TTC7A: variants seen among roughly 807,000 people sequenced by gnomAD.
TTC7A encodes the protein tetratricopeptide repeat domain 7A, also known as tetratricopeptide repeat protein 7A.
Under a neutral mutation model 103.7 loss-of-function variants are expected in TTC7A, and 110 were observed. That is an observed-to-expected ratio of 1.06 (90% confidence interval 0.91 to 1.24). The LOEUF (loss-of-function observed/expected upper bound fraction) is 1.24. Among genes scored for constraint, TTC7A ranks in the 50% most tolerant of loss-of-function variants. The pLI is 0.00. For synonymous variants in TTC7A, 521 were observed against 467.9 expected (o/e 1.11, Z -1.47); for missense variants, 1,340 against 1,116.3 (o/e 1.20, Z -2.86).
chr2:46,936,732 A>G (rs1669998008), upstream of TTC7A, among the ~76,000 whole-genome samples: 3 of 152,212 alleles, frequency 2.0e-5, no homozygotes, highest in South Asian at 6.2e-4. Flanking sequence ...GGTAGCCACT[A>G]TGAGGAATTT....
chr2:47,030,336 GGA>G (rs1365791212), intron 15 of TTC7A, among the ~76,000 whole-genome samples: 17 of 152,264 alleles, frequency 1.1e-4, no homozygotes, highest in South Asian at 4.1e-4. Context: ...GCCAGCCTAG[GGA>G]GGTTCCCATC....
At chr2:47,033,971 C>T (rs1463737528) in intron 15 of TTC7A, among the ~76,000 whole-genome samples, 6 of 152,202 alleles carry the variant, frequency 3.9e-5, no homozygotes, top group Admixed American at 2.6e-4. Context: ...TCTAGGCTCC[C>T]GGAGAAAACC....
intron 10 of TTC7A, among the ~76,000 whole-genome samples, chr2:47,011,014 C>G (rs1393185189): frequency 2.0e-5 from 3 of 152,084 alleles, no homozygotes; most frequent in African/African-American, 7.2e-5. Flanking sequence ...TTTAGAGAGC[C>G]CCTTTCTACC....
intron 3 of TTC7A, chr2:46,958,386 A>T: frequency 1.2e-6 from 1 of 812,552 alleles, no homozygotes; most frequent in Non-Finnish European, 1.9e-6. Flanking sequence ...CCCTTCAGCC[A>T]TGGACGCCCT....
At chr2:47,042,629 C>G (rs1488298205) in intron 15 of TTC7A, among the ~76,000 whole-genome samples, 2 of 152,022 alleles carry the variant, frequency 1.3e-5, no homozygotes, top group Non-Finnish European at 2.9e-5. Flanking sequence ...GTGGCATATT[C>G]TGGTCTCAAA....
chr2:47,008,733 A>C (rs917729484), intron 10 of TTC7A, among the ~76,000 whole-genome samples: 6 of 152,192 alleles, frequency 3.9e-5, no homozygotes, highest in Non-Finnish European at 8.8e-5. Context: ...CCTAAGGTGG[A>C]ATCAAGGGCC....
chr2:47,051,935 C>T (rs979885473), intron 18 of TTC7A, 55 bp downstream of exon 18: 65 of 1,551,628 alleles, frequency 4.2e-5, no homozygotes, highest in Non-Finnish European at 5.4e-5. Flanking sequence ...CACCCATGCT[C>T]TCAGAGCCCT....
chr2:47,055,807 C>T (rs1484736732), intron 18 of TTC7A, among the ~76,000 whole-genome samples: 1 of 152,150 alleles, frequency 6.6e-6, no homozygotes, highest in Admixed American at 6.5e-5. Context: ...GTCTCCTGGG[C>T]AGACTTGGGG....
At chr2:46,984,591 A>G (rs1572814720) in intron 5 of TTC7A, among the ~76,000 whole-genome samples, 3 of 152,156 alleles carry the variant, frequency 2.0e-5, no homozygotes, top group Admixed American at 6.5e-5. Flanking sequence ...CTTCCCCACA[A>G]CTGAATTTTC....
rs1012728053 is a variant in TTC7A at position 46,941,701 on chromosome 2, G to C, written c.160G>C (p.Ala54Pro). The change falls in exon 1 of 20, where the codon GCA (alanine) becomes CCA (proline). Residue 54 changes from alanine (A) to proline (P), a missense_variant. Ala to Pro is a conservative substitution (Grantham distance 27). Coordinates refer to ENST00000319190, the MANE Select transcript of TTC7A (RefSeq NM_020458.4). This position sits in a 1 kb window ranked among gnomAD's most constrained non-coding sequence, Gnocchi z 4.2. ...AGGTAACAGGCGAGGCAGCCCGAGC[G>C]CAGCGTTCACCTTTCCGGACACCGG... Reference protein sequence around the residue: ...GGGNRRGSPSAAFTFPDTDDF... With the variant: ...GGGNRRGSPSPAFTFPDTDDF... The C allele has an allele frequency of 1.3e-6, 2 of 1,550,630 alleles. No homozygotes were observed. Among genetic ancestry groups the C allele is most frequent in the African/African-American group, 2.7e-5 (2 of 73,132 alleles).
chr2:47,016,074 T>C (rs1678627484), intron 11 of TTC7A, among the ~76,000 whole-genome samples: 1 of 152,032 alleles, frequency 6.6e-6, no homozygotes, highest in African/African-American at 2.4e-5. Flanking sequence ...CACTGCAAGG[T>C]GAGGTAACCC....
intron 18 of TTC7A, among the ~76,000 whole-genome samples, chr2:47,056,037 G>A (rs1327638574): frequency 6.6e-6 from 1 of 151,902 alleles, no homozygotes; most frequent in Non-Finnish European, 1.5e-5. Flanking sequence ...GAGTCAGCGA[G>A]GCCACTCTCA....
intron 3 of TTC7A, among the ~76,000 whole-genome samples, chr2:46,959,405 T>C (rs1337432421): frequency 6.6e-6 from 1 of 152,056 alleles, no homozygotes; most frequent in Non-Finnish European, 1.5e-5. Context: ...TGTGGTTCTG[T>C]TTGGTACTCT....
intron 16 of TTC7A, chr2:47,047,318 A>C: frequency 6.5e-7 from 1 of 1,548,856 alleles, no homozygotes; most frequent in Non-Finnish European, 8.7e-7. Flanking sequence ...CATCTGTAAC[A>C]GTGAAATTTA....
intron 9 of TTC7A, among the ~76,000 whole-genome samples, chr2:47,006,397 G>A (rs1355872717): frequency 6.6e-6 from 1 of 152,228 alleles, no homozygotes; most frequent in African/African-American, 2.4e-5. Context: ...CCATCACCCT[G>A]TGAGATCATT....
Position 47,051,858 on chromosome 2 carries a change from G to A in TTC7A, c.2130G>A (p.Leu710=). 1 of 1,611,296 alleles carries A rather than the reference G, an allele frequency of 6.2e-7. No individual in the cohort carries two copies. Among genetic ancestry groups the A allele is most frequent in the Non-Finnish European group, 8.5e-7 (1 of 1,179,202 alleles). The part of the protein sequence containing the change: ...KQGPMQLWTT[L]EQIWLQAAEL... ...GCCCCATGCAGCTGTGGACCACGCT[G>A]GAACAGATCTGGCTGCAGGCTGGTG... The change falls in exon 18 of 20, where the codon CTG becomes CTA. Residue 710 remains leucine (L), a synonymous_variant. Transcript: ENST00000319190.
chr2:47,045,714 C>T (rs1682240859), intron 15 of TTC7A: 1 of 152,392 alleles, frequency 6.6e-6, no homozygotes, highest in African/African-American at 2.4e-5. Flanking sequence ...TGTGTATCTC[C>T]AGGGTCAGGA....
At chr2:46,938,331 T>C (rs1405930746), upstream of TTC7A, among the ~76,000 whole-genome samples, 1 of 152,164 alleles carries the variant, frequency 6.6e-6, no homozygotes, top group African/African-American at 2.4e-5. Flanking sequence ...TTGATCACTA[T>C]TATACCTTTT....
chr2:47,005,879 A>G (rs770218619), intron 8 of TTC7A, 43 bp from the exon 9 acceptor site: 10 of 1,610,706 alleles, frequency 6.2e-6, no homozygotes, highest in African/African-American at 1.3e-5. Context: ...ACACCTGCTT[A>G]TCTACTCTCC....
Sources: gnomAD v4.1 joint callset for allele counts (sites outside exome capture counted in the v4.1 genomes callset) on GRCh38, gnomAD v4.1.1 for gene constraint, Gnocchi (gnomAD v3.1) non-coding constraint, MANE v1.5 for transcripts, NCBI Gene and HGNC (gene_info 2026-07-23, HGNC 2026-07-21) for gene names.